FAM107B: variants seen among roughly 807,000 people sequenced by gnomAD.
The protein encoded by FAM107B is family with sequence similarity 107 member B.
FAM107B carries 21 observed loss-of-function variants against 31.5 expected under a neutral mutation model. The ratio of observed to expected loss-of-function variants is 0.67; its 90% confidence interval spans 0.47 to 0.96. FAM107B has a LOEUF of 0.96. Among genes scored for constraint, FAM107B ranks in the 40% least tolerant of loss-of-function variants. The pLI is 0.00. For synonymous variants in FAM107B, 157 were observed against 141.5 expected, an observed-to-expected ratio of 1.11 and a Z score of -0.78; for missense variants, 452 against 377.1, an observed-to-expected ratio of 1.20 and a Z score of -1.64.
intron 1 of FAM107B, among the ~76,000 whole-genome samples, chr10:14,714,876 A>C (rs1855746960): frequency 6.6e-6 from 1 of 152,134 alleles, no homozygotes; most frequent in Non-Finnish European, 1.5e-5. Context: ...TTTTATACCC[A>C]CTACATTTAC....
rs139203108 is a variant in FAM107B at position 14,620,335 on chromosome 10, C to T, written c.469+47299G>A. On this transcript the variant is annotated intron_variant, in intron 2 of 4. Coordinates refer to ENST00000181796, the MANE Select transcript of FAM107B (RefSeq NM_031453.4). The stretch of plus-strand genomic sequence containing the variant: ...CTTGGCCTATTTCTGGATTTTCTAT[C>T]CTGTTCCATGTCTCTGTATATCTAA... Among the ~76,000 whole-genome samples, 190 of 152,154 alleles carry T rather than the reference C, an allele frequency of 1.2e-3. 1 individual carries two copies. Among genetic ancestry groups the T allele is most frequent in the African/African-American group, 4.3e-3 (177 of 41,516 alleles).
chr10:14,745,712 T>G (rs1463794022), intron 1 of FAM107B, among the ~76,000 whole-genome samples: 1 of 152,196 alleles, frequency 6.6e-6, no homozygotes, highest in Non-Finnish European at 1.5e-5. Flanking sequence ...AGGAGTATTT[T>G]ACTTCCAATT....
At chr10:14,685,114 C>T (rs1374090968) in intron 1 of FAM107B, among the ~76,000 whole-genome samples, 2 of 149,024 alleles carry the variant, frequency 1.3e-5, no homozygotes, top group African/African-American at 2.5e-5. Flanking sequence ...AGGTGTTAGT[C>T]GTCACGCCCA....
chr10:14,676,001 TA>T (rs1333454484), intron 1 of FAM107B, among the ~76,000 whole-genome samples: 4 of 151,892 alleles, frequency 2.6e-5, no homozygotes, highest in African/African-American at 7.3e-5. Context: ...CTGCAAGTAA[TA>T]AAAAAATTAG....
chr10:14,616,938 A>T (rs1852868938), intron 2 of FAM107B, among the ~76,000 whole-genome samples: 1 of 152,078 alleles, frequency 6.6e-6, no homozygotes, highest in African/African-American at 2.4e-5. Flanking sequence ...AAAATAAAAT[A>T]AAAGAGAGAG....
intron 2 of FAM107B, among the ~76,000 whole-genome samples, chr10:14,580,419 A>G (rs1453998220): frequency 6.6e-6 from 1 of 152,174 alleles, no homozygotes; most frequent in Non-Finnish European, 1.5e-5. Flanking sequence ...TGGTACACAC[A>G]AGGGCTAATA....
At chr10:14,691,072 G>A (rs552286857) in intron 1 of FAM107B, among the ~76,000 whole-genome samples, 12 of 152,152 alleles carry the variant, frequency 7.9e-5, no homozygotes, top group South Asian at 6.2e-4. Context: ...GCTAGCTTCC[G>A]TCACCCAGGC....
intron 1 of FAM107B, among the ~76,000 whole-genome samples, chr10:14,745,907 T>A (rs1313660825): frequency 6.6e-6 from 1 of 152,146 alleles, no homozygotes; most frequent in Non-Finnish European, 1.5e-5. Flanking sequence ...GGTGTTAAAG[T>A]GTCCCATTAT....
intron 1 of FAM107B, among the ~76,000 whole-genome samples, chr10:14,770,396 G>A (rs558474584): frequency 3.2e-4 from 49 of 152,014 alleles, no homozygotes; most frequent in Non-Finnish European, 6.9e-4. Context: ...GGTGGCTGGC[G>A]CCTGTAATCC....
At chr10:14,700,675 AAAC>A (rs1414227407) in intron 1 of FAM107B, among the ~76,000 whole-genome samples, 1 of 152,014 alleles carries the variant, frequency 6.6e-6, no homozygotes, top group East Asian at 1.9e-4. Flanking sequence ...TTTCTGACAT[AAAC>A]AACAATGATG....
At chr10:14,521,800 C>A in intron 4 of FAM107B, 69 bp downstream of exon 4, 1 of 1,570,620 alleles carries the variant, frequency 6.4e-7, no homozygotes, top group Non-Finnish European at 8.6e-7. Flanking sequence ...TAAATCCTGC[C>A]CGCTCCAACA....
intron 1 of FAM107B, chr10:14,723,789 C>A (rs1356507434): frequency 4.0e-6 from 3 of 758,154 alleles, no homozygotes; most frequent in Admixed American, 1.7e-5. Context: ...CAGCAGCAAA[C>A]TTCAGCAGGG....
intron 1 of FAM107B, among the ~76,000 whole-genome samples, chr10:14,732,445 C>T (rs1414095503): frequency 6.6e-6 from 1 of 152,164 alleles, no homozygotes; most frequent in African/African-American, 2.4e-5. Flanking sequence ...CATTTCATTT[C>T]CTGGCTCCCC....
At chr10:14,522,425 T>C (rs1564517543) in intron 3 of FAM107B, among the ~76,000 whole-genome samples, 1 of 151,350 alleles carries the variant, frequency 6.6e-6, no homozygotes, top group East Asian at 1.9e-4. Context: ...TTTTTTTTTT[T>C]TTTTCTGAGA....
At chr10:14,693,019 C>G (rs1266254581) in intron 1 of FAM107B, among the ~76,000 whole-genome samples, 6 of 152,204 alleles carry the variant, frequency 3.9e-5, no homozygotes, top group African/African-American at 1.4e-4. Flanking sequence ...CTAGGGTCCT[C>G]TGTTACTGCT....
chr10:14,679,225 G>A (rs183243520), intron 1 of FAM107B, among the ~76,000 whole-genome samples: 18 of 152,244 alleles, frequency 1.2e-4, no homozygotes, highest in African/African-American at 4.1e-4. Flanking sequence ...GACCTGCTGG[G>A]CTCAAGCGAT....
chr10:14,616,908 G>T (rs953876681), intron 2 of FAM107B, among the ~76,000 whole-genome samples: 1 of 152,080 alleles, frequency 6.6e-6, no homozygotes, highest in Non-Finnish European at 1.5e-5. Flanking sequence ...GACACAGGGA[G>T]ACCCTGTCTC....
chr10:14,692,401 G>A (rs1452254745), intron 1 of FAM107B, among the ~76,000 whole-genome samples: 3 of 152,230 alleles, frequency 2.0e-5, no homozygotes, highest in East Asian at 1.9e-4. Context: ...TGGGGCTGAG[G>A]GTGGGGTGAC....
At chr10:14,684,032 G>A (rs1279183491) in intron 1 of FAM107B, among the ~76,000 whole-genome samples, 1 of 152,208 alleles carries the variant, frequency 6.6e-6, no homozygotes, top group African/African-American at 2.4e-5. Flanking sequence ...TCTAGAGGCT[G>A]CAAAGTCCAA....
Sources: allele counts gnomAD v4.1 joint callset (sites outside exome capture counted in the v4.1 genomes callset), GRCh38; gene constraint gnomAD v4.1.1; transcripts MANE v1.5; gene names NCBI Gene and HGNC (gene_info 2026-07-23, HGNC 2026-07-21).